PVALB: variants seen among roughly 807,000 people sequenced by gnomAD.
The protein encoded by PVALB is parvalbumin alpha.
A neutral mutation model predicts 10.9 loss-of-function variants in PVALB; 11 were observed. That is an observed-to-expected ratio of 1.01 (90% CI 0.63 to 1.67). The LOEUF (loss-of-function observed/expected upper bound fraction) is 1.67. Among genes scored for constraint, PVALB ranks in the 40% most tolerant of loss-of-function variants. PVALB has a pLI of 0.00. For synonymous variants in PVALB, 57 were observed against 50.7 expected (o/e 1.12, Z -0.53); for missense variants, 131 against 136.2 (o/e 0.96, Z 0.19).
chr22:36,814,716 G>A (rs1034107846), intron 2 of PVALB, among the ~76,000 whole-genome samples: 1 of 152,130 alleles, frequency 6.6e-6, no homozygotes, highest in Non-Finnish European at 1.5e-5. Context: ...GCAGGAAGGT[G>A]GAAAGTGTCT....
At chr22:36,803,310 T>A (rs1010740732) in intron 3 of PVALB, among the ~76,000 whole-genome samples, 2 of 152,224 alleles carry the variant, frequency 1.3e-5, no homozygotes, top group Non-Finnish European at 2.9e-5. Context: ...CCCATCGCAT[T>A]AGTCCTTTTT....
At position 36,813,721 on chromosome 22, in the gene PVALB, C is replaced by T. The variant is rs751770654; in HGVS notation, c.229G>A (p.Asp77Asn). The T allele has an allele frequency of 7.4e-6, 12 of 1,613,906 alleles. No homozygotes were observed. The highest frequency in any genetic ancestry group is 1.0e-5 in the Non-Finnish European group (12 of 1,179,950). The change falls in exon 3 of 4, where the codon GAC (aspartate) becomes AAC (asparagine). Residue 77 changes from aspartate to asparagine, a missense_variant. Asp to Asn is a conservative substitution (Grantham distance 23). Transcript: ENST00000417718. ...ILKGFSPDAR[D>N]LSAKETKMLM... ...ATCTTGGTTTCTTTAGCAGACAGGT[C>T]TCTGGCATCTGGGGAGAAGCCTTTT... is the stretch of plus-strand genomic sequence containing the variant.
At chr22:36,810,549 G>C (rs1939030428) in intron 3 of PVALB, among the ~76,000 whole-genome samples, 1 of 152,144 alleles carries the variant, frequency 6.6e-6, no homozygotes, top group Admixed American at 6.5e-5. Flanking sequence ...CTCAATGGAG[G>C]CTGCACAGGT....
At chr22:36,817,354 A>G (rs1051548885), upstream of PVALB, 12 of 192,726 alleles carry the variant, frequency 6.2e-5, no homozygotes, top group African/African-American at 1.6e-4. Context: ...TGGAAAGTCC[A>G]CCTGCCGTCA....
intron 1 of PVALB, 192 bp from the exon 2 acceptor site, chr22:36,815,427 G>A: frequency 4.1e-6 from 3 of 726,488 alleles, no homozygotes; most frequent in East Asian, 2.8e-5. Context: ...TCACAAGGCT[G>A]GGAGTGGAAG....
At chr22:36,804,766 T>C (rs1351254878) in intron 3 of PVALB, among the ~76,000 whole-genome samples, 1 of 152,130 alleles carries the variant, frequency 6.6e-6, no homozygotes, top group Non-Finnish European at 1.5e-5. Context: ...AAACCTCGTC[T>C]CTACTAAAAA....
At chr22:36,808,494 T>C (rs951541189) in intron 3 of PVALB, among the ~76,000 whole-genome samples, 3 of 152,170 alleles carry the variant, frequency 2.0e-5, no homozygotes, top group African/African-American at 7.2e-5. Context: ...GATGCCTCAG[T>C]TTCTCCACTT....
At chr22:36,805,384 T>A (rs1938933598) in intron 3 of PVALB, among the ~76,000 whole-genome samples, 1 of 152,180 alleles carries the variant, frequency 6.6e-6, no homozygotes, top group South Asian at 2.1e-4. Context: ...AACCAAGGTG[T>A]TTCTGTACTT....
chr22:36,800,816 A>G lies in PVALB; in HGVS notation c.*74T>C. On this transcript the variant is annotated 3_prime_UTR_variant, in exon 4 of 4. Coordinates refer to ENST00000417718, the MANE Select transcript of PVALB (RefSeq NM_001315532.2). ...ACATAAACGAACTGAACAGAAATGC[A>G]GGAGGGTGGCGAGAGGGGCCGAGAT... The G allele has an allele frequency of 1.4e-6, 2 of 1,476,282 alleles. No individual in the cohort carries two copies. Among genetic ancestry groups the G allele is most frequent in the South Asian group, 2.3e-5 (2 of 88,286 alleles). 91.4% of individuals were successfully genotyped at this position (1,476,282 alleles called of 1,614,324 possible).
chr22:36,810,685 A>G (rs1048273394), intron 3 of PVALB, among the ~76,000 whole-genome samples: 3 of 152,208 alleles, frequency 2.0e-5, no homozygotes, highest in African/African-American at 7.2e-5. Flanking sequence ...CCCAAGGTCA[A>G]ATGAGGTAAC....
intron 2 of PVALB, among the ~76,000 whole-genome samples, chr22:36,814,020 C>A (rs760693372): frequency 6.6e-6 from 1 of 152,152 alleles, no homozygotes; most frequent in Admixed American, 6.5e-5. Flanking sequence ...GTTAATTTAT[C>A]CAACAAGTAT....
chr22:36,811,190 A>G (rs983865853), intron 3 of PVALB, among the ~76,000 whole-genome samples: 1 of 152,068 alleles, frequency 6.6e-6, no homozygotes, highest in Non-Finnish European at 1.5e-5. Flanking sequence ...GGAGGGGGGA[A>G]TTGCTTAAAC....
intron 3 of PVALB, among the ~76,000 whole-genome samples, chr22:36,801,262 C>T (rs1938858895): frequency 6.6e-6 from 1 of 152,138 alleles, no homozygotes; most frequent in Non-Finnish European, 1.5e-5. Context: ...ACTTTATATG[C>T]AATATCTTAT....
chr22:36,815,181 T>G lies in PVALB; in HGVS notation c.116A>C (p.Lys39Thr). 6.2e-6 allele frequency: 10 copies of G among 1,614,128 alleles called. No individual in the cohort carries two copies. The highest frequency in any genetic ancestry group is 8.5e-6 in the Non-Finnish European group (10 of 1,179,982). ...KFFQMVGLKK[K>T]SADDVKKVFH... ...CACCTTCTTCACATCATCCGCACTC[T>G]TTTTCTTCAGGCCGACCATTTGGAA... is the stretch of plus-strand genomic sequence containing the variant. Residue 39 changes from lysine to threonine, a missense_variant, in exon 2 of 4, where the codon AAG becomes ACG. By Grantham distance (78) the Lys-to-Thr change is moderately conservative. Transcript: ENST00000417718.
intron 3 of PVALB, among the ~76,000 whole-genome samples, chr22:36,806,927 T>G (rs1051855923): frequency 6.6e-6 from 1 of 152,158 alleles, no homozygotes; most frequent in Non-Finnish European, 1.5e-5. Flanking sequence ...GTCCTGGTTC[T>G]GACTCAAGCT....
intron 3 of PVALB, among the ~76,000 whole-genome samples, chr22:36,811,820 C>A (rs879336987): frequency 6.6e-6 from 1 of 152,098 alleles, no homozygotes; most frequent in Non-Finnish European, 1.5e-5. Context: ...ATCTGCCAAG[C>A]ACCAGAAGCC....
At position 36,800,738 on chromosome 22, in the gene PVALB, T is replaced by C; in HGVS notation, c.*152A>G. On this transcript the variant is annotated 3_prime_UTR_variant, in exon 4 of 4. Transcript: ENST00000417718. ...AACCTTTATTGCTTCTCCAGCATTT[T>C]CCAGAAGAATGGTGTCATTAGAGGG... is the stretch of plus-strand genomic sequence containing the variant. 1.2e-6 allele frequency: 1 copy of C among 849,274 alleles called. No individual in the cohort carries two copies. Among genetic ancestry groups the C allele is most frequent in the South Asian group, 1.5e-5 (1 of 66,862 alleles). 52.6% of individuals were successfully genotyped at this position (849,274 alleles called of 1,614,324 possible). A position where few individuals can be genotyped will look rare whatever the true frequency, so the allele number is the denominator to read the frequency against.
At chr22:36,815,382 G>A (rs1569094431) in intron 1 of PVALB, 147 bp from the exon 2 acceptor site, 2 of 1,107,580 alleles carry the variant, frequency 1.8e-6, no homozygotes, top group Non-Finnish European at 2.6e-6. Flanking sequence ...GGAGGGCTGA[G>A]GGAGCCCGGG....
At chr22:36,804,944 G>A (rs1938927380) in intron 3 of PVALB, among the ~76,000 whole-genome samples, 1 of 151,878 alleles carries the variant, frequency 6.6e-6, no homozygotes, top group African/African-American at 2.4e-5. Context: ...AAAAACAAAC[G>A]AACAAACAAA....
Sources: gnomAD v4.1 joint callset for allele counts (sites outside exome capture counted in the v4.1 genomes callset) on GRCh38, gnomAD v4.1.1 for gene constraint, MANE v1.5 for transcripts, NCBI Gene and HGNC (gene_info 2026-07-23, HGNC 2026-07-21) for gene names.